The following CNTNAP2 variants were observed in gnomAD, a reference collection of about 807,000 sequenced individuals.
CNTNAP2 encodes the protein contactin associated protein 2.
Under a neutral mutation model 155.2 loss-of-function variants are expected in CNTNAP2, and 98 were observed. The ratio of observed to expected loss-of-function variants is 0.63; its 90% CI spans 0.54 to 0.75. The LOEUF is 0.75. Among genes scored for constraint, CNTNAP2 ranks in the 30% least tolerant of loss-of-function variants. The pLI, the probability that CNTNAP2 is intolerant of heterozygous loss-of-function variation, is 0.00. For synonymous variants in CNTNAP2, 651 were observed against 631.2 expected, an observed-to-expected ratio of 1.03 and a Z score of -0.47; for missense variants, 1,727 against 1,688.1, an observed-to-expected ratio of 1.02 and a Z score of -0.40.
intron 12 of CNTNAP2, among the ~76,000 whole-genome samples, chr7:147,599,951 C>A (rs1451111268): frequency 3.9e-5 from 6 of 152,114 alleles, no homozygotes; most frequent in Non-Finnish European, 8.8e-5. Context: ...TCAGGTAATA[C>A]CATTAAGTGT....
intron 3 of CNTNAP2, among the ~76,000 whole-genome samples, chr7:147,043,158 A>T (rs980148675): frequency 1.3e-5 from 2 of 152,104 alleles, no homozygotes; most frequent in Non-Finnish European, 2.9e-5. Context: ...TGAATATCCC[A>T]TATTATCTTG....
At chr7:147,806,724 T>C (rs1442106948) in intron 13 of CNTNAP2, among the ~76,000 whole-genome samples, 3 of 152,216 alleles carry the variant, frequency 2.0e-5, no homozygotes, top group African/African-American at 7.2e-5. Context: ...GAGGTCATTA[T>C]ATTAAGTGAA....
intron 4 of CNTNAP2, among the ~76,000 whole-genome samples, chr7:147,086,449 C>A (rs1230001590): frequency 6.6e-6 from 1 of 151,486 alleles, no homozygotes; most frequent in Non-Finnish European, 1.5e-5. Context: ...TTTTAAATTA[C>A]TTTTTTGAGA....
intron 1 of CNTNAP2, among the ~76,000 whole-genome samples, chr7:146,221,378 A>G (rs1378282674): frequency 6.6e-6 from 1 of 152,070 alleles, no homozygotes; most frequent in Non-Finnish European, 1.5e-5. Flanking sequence ...ATACTTTTAA[A>G]TATACTTATA....
intron 11 of CNTNAP2, among the ~76,000 whole-genome samples, chr7:147,513,824 A>G (rs949878480): frequency 1.3e-5 from 2 of 152,228 alleles, no homozygotes; most frequent in African/African-American, 2.4e-5. Context: ...GCATGCTTCA[A>G]TCTGCACCCG....
intron 19 of CNTNAP2, among the ~76,000 whole-genome samples, chr7:148,218,356 G>A (rs144085792): frequency 5.3e-4 from 80 of 152,238 alleles, no homozygotes; most frequent in African/African-American, 1.9e-3. Flanking sequence ...AATTCACAAA[G>A]TGTATCCCTG....
At chr7:147,966,707 G>A (rs746262246) in intron 14 of CNTNAP2, among the ~76,000 whole-genome samples, 4 of 152,026 alleles carry the variant, frequency 2.6e-5, no homozygotes, top group African/African-American at 4.8e-5. Context: ...AGCATATTCC[G>A]TCTGCCCACA....
chr7:148,140,669 G>A (rs557358456), intron 16 of CNTNAP2, among the ~76,000 whole-genome samples: 15 of 152,100 alleles, frequency 9.9e-5, no homozygotes, highest in African/African-American at 3.1e-4. Flanking sequence ...TGATCCACCC[G>A]CCTCAGCATC....
intron 1 of CNTNAP2, among the ~76,000 whole-genome samples, chr7:146,433,789 A>G (rs1485529905): frequency 1.3e-5 from 2 of 152,166 alleles, no homozygotes; most frequent in Non-Finnish European, 2.9e-5. Flanking sequence ...CCTGGTGCAA[A>G]TGAGAACTCC....
intron 22 of CNTNAP2, among the ~76,000 whole-genome samples, chr7:148,394,414 A>G (rs906418632): frequency 5.9e-5 from 9 of 152,122 alleles, no homozygotes; most frequent in African/African-American, 2.2e-4. Context: ...AGCTTTTATT[A>G]TCACATTTAG....
At chr7:147,447,442 G>A (rs700314) in intron 10 of CNTNAP2, among the ~76,000 whole-genome samples, 88,047 of 151,994 alleles carry the variant, frequency 0.58, 26,612 homozygotes, top group African/African-American at 0.75. Flanking sequence ...TTGAGATGGA[G>A]TCTCCCTCTG....
chr7:147,421,398 T>C (rs1161430462), intron 10 of CNTNAP2, among the ~76,000 whole-genome samples: 2 of 152,094 alleles, frequency 1.3e-5, no homozygotes, highest in African/African-American at 2.4e-5. Flanking sequence ...AAATGTTACA[T>C]TGGAGGATTA....
At chr7:146,452,446 CCTT>C (rs1321645407) in intron 1 of CNTNAP2, among the ~76,000 whole-genome samples, 1 of 152,010 alleles carries the variant, frequency 6.6e-6, no homozygotes, top group Non-Finnish European at 1.5e-5. Context: ...AGTTATGTAT[CCTT>C]CTTTAAAACA....
chr7:146,761,896 A>G (rs535543025), intron 1 of CNTNAP2, among the ~76,000 whole-genome samples: 4 of 152,270 alleles, frequency 2.6e-5, no homozygotes, highest in African/African-American at 9.6e-5. Flanking sequence ...TTACTGGGAG[A>G]CAAAGGGGAA....
At chr7:147,714,617 G>T (rs1004626329) in intron 13 of CNTNAP2, among the ~76,000 whole-genome samples, 2 of 151,950 alleles carry the variant, frequency 1.3e-5, no homozygotes, top group African/African-American at 2.4e-5. Flanking sequence ...AAAAGGAATT[G>T]GATTTTTTTA....
At position 147,530,189 on chromosome 7, in the gene CNTNAP2, T is replaced by TTTTA. The variant is rs1180119498; in HGVS notation, c.1778-31946_1778-31945insATTT. On this transcript the variant is annotated intron_variant, in intron 11 of 23. Transcript: ENST00000361727. ...TCATGGTGGAAGGCAAAAGGCACTTTTTTTTTTTTTTTTTGAGACAGAGTC... is the reference window on the plus strand; with the variant it reads ...TCATGGTGGAAGGCAAAAGGCACTTTTTTATTTTTTTTTTTTTTGAGACAGAGTC... Among the ~76,000 whole-genome samples, 5 of 150,516 alleles carry TTTTA rather than the reference T, an allele frequency of 3.3e-5. No individual in the cohort carries two copies. The East Asian group carries it at 9.8e-4, about 29-fold the overall frequency.
chr7:146,712,991 C>T (rs1344963039), intron 1 of CNTNAP2, among the ~76,000 whole-genome samples: 1 of 151,878 alleles, frequency 6.6e-6, no homozygotes, highest in East Asian at 1.9e-4. Flanking sequence ...AAATTTATTG[C>T]CAGAGATGAA....
At chr7:148,394,338 C>T (rs1369144849) in intron 22 of CNTNAP2, among the ~76,000 whole-genome samples, 1 of 152,130 alleles carries the variant, frequency 6.6e-6, no homozygotes, top group Non-Finnish European at 1.5e-5. Flanking sequence ...CCCTACTGGA[C>T]TCTCTGGTCT....
intron 4 of CNTNAP2, among the ~76,000 whole-genome samples, chr7:147,095,042 C>G (rs1347434062): frequency 6.6e-6 from 1 of 151,524 alleles, no homozygotes; most frequent in African/African-American, 2.4e-5. Flanking sequence ...TTTTTAGAGA[C>G]AGAGTCTTGC....
Sources: gnomAD v4.1 joint callset for allele counts (sites outside exome capture counted in the v4.1 genomes callset) on GRCh38, gnomAD v4.1.1 for gene constraint, MANE v1.5 for transcripts, NCBI Gene and HGNC (gene_info 2026-07-23, HGNC 2026-07-21) for gene names.